The following NFAM1 variants were observed in gnomAD, a reference collection of about 807,000 sequenced individuals.
NFAM1 encodes the protein NFAT activating protein with ITAM motif 1.
NFAM1 carries 17 observed loss-of-function variants against 29.0 expected under a neutral mutation model. That is an observed-to-expected ratio of 0.59 (90% CI 0.40 to 0.88). The LOEUF is 0.88. Among genes scored for constraint, NFAM1 ranks in the 40% least tolerant of loss-of-function variants. The probability of loss-of-function intolerance (pLI) is 0.00; values close to 1 mark genes in which losing one functional copy is unlikely to be tolerated. For missense variants in NFAM1, 324 were observed against 344.6 expected (o/e 0.94, Z 0.47); for synonymous variants, 175 against 147.2 (o/e 1.19, Z -1.36).
upstream of NFAM1, among the ~76,000 whole-genome samples, chr22:42,437,349 G>T (rs1443519384): frequency 6.6e-6 from 1 of 151,942 alleles, no homozygotes; most frequent in East Asian, 1.9e-4. Context: ...TACCATGTTG[G>T]CCAGGCTGGT....
At position 42,420,080 on chromosome 22, in the gene NFAM1, G is replaced by A. The variant is rs527440409; in HGVS notation, c.122-8344C>T. ...GGCTCGAGTGAAATGGCACGATCTC[G>A]GCTCACTACAACCTCCACCTCCCCG... On this transcript the variant is annotated intron_variant, in intron 1 of 5. Transcript: ENST00000329021. Among the ~76,000 whole-genome samples, 7 of 129,644 alleles carry A rather than the reference G, an allele frequency of 5.4e-5. 1 individual carries two copies. The South Asian group carries it at 1.8e-3, about 34-fold the overall frequency. The allele number at this position is 129,644 out of a possible 152,430, so 85.1% of individuals were successfully genotyped here.
intron 3 of NFAM1, among the ~76,000 whole-genome samples, chr22:42,399,365 T>G (rs1422206918): frequency 6.7e-6 from 1 of 148,874 alleles, no homozygotes; most frequent in Non-Finnish European, 1.5e-5. Flanking sequence ...GAGAATCGCT[T>G]GAACCCAGGG....
At position 42,424,182 on chromosome 22, in the gene NFAM1, A is replaced by G. The variant is rs13055630; in HGVS notation, c.121+8055T>C. Reference sequence around the variant, plus strand: ...TGTAATCCCAGCACTTTGGGAGGCCAAGGCGGGCGGATCACAACGTCAGGA... The same window carrying G: ...TGTAATCCCAGCACTTTGGGAGGCCGAGGCGGGCGGATCACAACGTCAGGA... On this transcript the variant is annotated intron_variant, in intron 1 of 5. Transcript: ENST00000329021. Among the ~76,000 whole-genome samples, 10 of 152,264 alleles carry G rather than the reference A, an allele frequency of 6.6e-5. No individual in the cohort carries two copies. In the East Asian group the frequency reaches 9.7e-4, roughly 15 times the overall value.
At chr22:42,434,749 A>G (rs557059153), upstream of NFAM1, among the ~76,000 whole-genome samples, 35 of 152,384 alleles carry the variant, frequency 2.3e-4, no homozygotes, top group African/African-American at 7.9e-4. Flanking sequence ...GAGCAGAGGA[A>G]TGAGGAGGCT....
intron 1 of NFAM1, among the ~76,000 whole-genome samples, chr22:42,425,125 G>A (rs1930582025): frequency 6.6e-6 from 1 of 152,078 alleles, no homozygotes; most frequent in Non-Finnish European, 1.5e-5. Context: ...GTTTCACCAT[G>A]TTGGCCAGGC....
At chr22:42,431,275 C>A (rs1930787667) in intron 1 of NFAM1, among the ~76,000 whole-genome samples, 1 of 152,096 alleles carries the variant, frequency 6.6e-6, no homozygotes, top group South Asian at 2.1e-4. Context: ...TGAGGGTGGC[C>A]AGTACGTGCC....
intron 1 of NFAM1, among the ~76,000 whole-genome samples, chr22:42,416,903 C>G (rs1040771418): frequency 6.6e-6 from 1 of 152,022 alleles, no homozygotes; most frequent in African/African-American, 2.4e-5. Flanking sequence ...GAGGGGCCCA[C>G]GGCCTGGAGA....
chr22:42,395,072 G>A (rs1929472979), intron 4 of NFAM1, among the ~76,000 whole-genome samples: 1 of 152,194 alleles, frequency 6.6e-6, no homozygotes, highest in Admixed American at 6.5e-5. Context: ...CACCCGGGAG[G>A]CTGAGGTGGG....
At chr22:42,434,117 C>A (rs1230188737), upstream of NFAM1, among the ~76,000 whole-genome samples, 3 of 152,182 alleles carry the variant, frequency 2.0e-5, no homozygotes, top group Non-Finnish European at 4.4e-5. Flanking sequence ...CAACTCTGTA[C>A]CTCGGACTCC....
intron 1 of NFAM1, 70 bp downstream of exon 1, chr22:42,432,167 C>A (rs894053862): frequency 1.5e-6 from 2 of 1,376,280 alleles, no homozygotes; most frequent in African/African-American, 1.4e-5. Flanking sequence ...TTAGCTGCGC[C>A]GGGCGGGATG....
At chr22:42,427,546 T>G (rs1055962131) in intron 1 of NFAM1, among the ~76,000 whole-genome samples, 2 of 152,162 alleles carry the variant, frequency 1.3e-5, no homozygotes, top group Non-Finnish European at 2.9e-5. Flanking sequence ...ACCTTTTGAT[T>G]TTTTCAACCA....
At chr22:42,427,366 C>T (rs1034501036) in intron 1 of NFAM1, among the ~76,000 whole-genome samples, 2 of 151,660 alleles carry the variant, frequency 1.3e-5, no homozygotes, top group African/African-American at 2.4e-5. Flanking sequence ...GGGCAGAGGA[C>T]GACTACCCAG....
intron 4 of NFAM1, among the ~76,000 whole-genome samples, chr22:42,387,900 C>T (rs1036866131): frequency 5.9e-5 from 9 of 152,232 alleles, no homozygotes; most frequent in African/African-American, 1.9e-4. Context: ...GAGGCCCTGT[C>T]CCTGGCCTCA....
In NFAM1 at chr22:42,432,319, G is replaced by C. The variant is rs1326440945; in HGVS notation, c.39C>G (p.Gly13=). 3 of 1,576,226 alleles carry C rather than the reference G, an allele frequency of 1.9e-6. No individual in the cohort carries two copies. The highest frequency in any genetic ancestry group is 1.3e-5 in the African/African-American group (1 of 74,148). The change falls in exon 1 of 6, where the codon GGC becomes GGG. Residue 13 remains glycine (G), a synonymous_variant. Coordinates refer to ENST00000329021, the MANE Select transcript of NFAM1 (RefSeq NM_145912.8). ...CGGGGAGCCCAGGAGGGCGTGGGAGGCCTGGCAGGGCCCGCCACCTCACAG... is the reference window on the plus strand; with the variant it reads ...CGGGGAGCCCAGGAGGGCGTGGGAGCCCTGGCAGGGCCCGCCACCTCACAG... ...NQPVRWRALP[G]LPRPPGLPAA... is the part of the protein sequence containing the mutation.
chr22:42,426,608 C>T (rs1406189314), intron 1 of NFAM1, among the ~76,000 whole-genome samples: 1 of 152,180 alleles, frequency 6.6e-6, no homozygotes, highest in Non-Finnish European at 1.5e-5. Flanking sequence ...TCTGTTTTGG[C>T]AAAGGCGCCA....
chr22:42,431,186 G>A (rs925321669), intron 1 of NFAM1, among the ~76,000 whole-genome samples: 3 of 152,218 alleles, frequency 2.0e-5, no homozygotes, highest in Non-Finnish European at 4.4e-5. Flanking sequence ...TTGAGCAAAC[G>A]AACTGGCTTC....
chr22:42,417,150 C>G (rs11912314), intron 1 of NFAM1, among the ~76,000 whole-genome samples: 45,849 of 152,090 alleles, frequency 0.3, 8,270 homozygotes, highest in African/African-American at 0.49. Flanking sequence ...AGAGAAGAGG[C>G]ACCTCGCCCC....
At chr22:42,437,329 G>C (rs540478470), upstream of NFAM1, among the ~76,000 whole-genome samples, 348 of 152,036 alleles carry the variant, frequency 2.3e-3, no homozygotes, top group African/African-American at 7.2e-3. Context: ...TTTTAGTAGA[G>C]ACGGGGTTTT....
At chr22:42,411,795 C>G (rs1930104217) in intron 1 of NFAM1, 59 bp from the exon 2 acceptor site, 5 of 1,239,658 alleles carry the variant, frequency 4.0e-6, no homozygotes, top group Admixed American at 3.7e-5. Context: ...CAGTCCCACC[C>G]ACTTGCCTGT....
Sources: gnomAD v4.1 joint callset for allele counts (sites outside exome capture counted in the v4.1 genomes callset) on GRCh38, gnomAD v4.1.1 for gene constraint, MANE v1.5 for transcripts, NCBI Gene and HGNC (gene_info 2026-07-23, HGNC 2026-07-21) for gene names.